The following LAMA1 variants were observed in gnomAD, a reference collection of about 807,000 sequenced individuals.
The protein encoded by LAMA1 is laminin subunit alpha-1.
A neutral mutation model predicts 348.7 loss-of-function variants in LAMA1; 219 were observed. The observed-to-expected ratio is 0.63, with a 90% CI of 0.56 to 0.70. LAMA1 has a LOEUF of 0.70. Ranked by LOEUF, LAMA1 falls within the 30% of genes least tolerant of loss-of-function variation. The pLI is 0.00. For missense variants in LAMA1, 3,744 were observed against 3,888.0 expected, an observed-to-expected ratio of 0.96 and a Z score of 0.99; for synonymous variants, 1,487 against 1,491.0, an observed-to-expected ratio of 1.00 and a Z score of 0.06.
At chr18:7,053,846 C>T (rs1212889063) in intron 3 of LAMA1, among the ~76,000 whole-genome samples, 1 of 150,212 alleles carries the variant, frequency 6.7e-6, no homozygotes, top group Non-Finnish European at 1.5e-5. Context: ...TGCAATGGCA[C>T]GATATCAGCT....
intron 1 of LAMA1, among the ~76,000 whole-genome samples, chr18:7,108,826 T>C (rs1240788672): frequency 6.6e-6 from 1 of 151,986 alleles, no homozygotes; most frequent in African/African-American, 2.4e-5. Flanking sequence ...ACTTAGTTTG[T>C]ACAAAAGCAA....
chr18:7,048,831 C>T lies in LAMA1; in HGVS notation c.768+247G>A, dbSNP rs35533694. ...TGAAGAACAAAGACCATGGCATTCA[C>T]CACATTATGGCACTATGGGGACGGG... On this transcript the variant is annotated intron_variant, in intron 5 of 62. Coordinates refer to ENST00000389658, the MANE Select transcript of LAMA1 (RefSeq NM_005559.4). 0.12 allele frequency among the ~76,000 whole-genome samples: 18,438 copies of T among 152,102 alleles called. 1,442 individuals carry two copies. The highest frequency in any genetic ancestry group is 0.17 in the Admixed American group (2,620 of 15,266).
At position 6,959,331 on chromosome 18, in the gene LAMA1, G is replaced by A. The variant is rs534459290; in HGVS notation, c.7778+10C>T. ...CCTTCATTACACACTGCCTGGCCGC[G>A]TGCAAGTACCTCCGATTCCTGACCA... is the stretch of plus-strand genomic sequence containing the variant. On this transcript the variant is annotated intron_variant, in intron 54 of 62. Coordinates refer to ENST00000389658, the MANE Select transcript of LAMA1 (RefSeq NM_005559.4). 3.3e-5 allele frequency: 54 copies of A among 1,614,014 alleles called. 1 individual carries two copies. Among genetic ancestry groups the A allele is most frequent in the Non-Finnish European group, 3.6e-5 (43 of 1,179,978 alleles).
intron 1 of LAMA1, among the ~76,000 whole-genome samples, chr18:7,096,757 C>G (rs750891426): frequency 6.6e-6 from 1 of 152,144 alleles, no homozygotes; most frequent in Non-Finnish European, 1.5e-5. Flanking sequence ...CAAATTCTCT[C>G]CCACCCAAAA....
intron 1 of LAMA1, among the ~76,000 whole-genome samples, chr18:7,116,725 C>G (rs938221384): frequency 1.3e-5 from 2 of 152,198 alleles, no homozygotes; most frequent in Non-Finnish European, 2.9e-5. Flanking sequence ...GAAGACAGCT[C>G]TAGGGGTGGC....
At chr18:7,005,204 A>C (rs982476108) in intron 29 of LAMA1, among the ~76,000 whole-genome samples, 1 of 152,208 alleles carries the variant, frequency 6.6e-6, no homozygotes, top group Non-Finnish European at 1.5e-5. Flanking sequence ...GGATTTGATC[A>C]AGTAGTTTCA....
chr18:7,117,251 G>A (rs940464104), intron 1 of LAMA1, among the ~76,000 whole-genome samples: 6 of 151,714 alleles, frequency 4.0e-5, no homozygotes, highest in East Asian at 3.9e-4. Flanking sequence ...CCCCGCGCCC[G>A]GCCAACAGCC....
rs2057607075 is a variant in LAMA1, at chr18:6,961,496, A to T, written c.7626+90T>A. The T allele has an allele frequency of 2.0e-6, 3 of 1,477,922 alleles. No individual in the cohort carries two copies. The East Asian group carries it at 7.2e-5, about 35-fold the overall frequency. 91.6% of individuals were successfully genotyped at this position (1,477,922 alleles called of 1,614,324 possible). A position where few individuals can be genotyped will look rare whatever the true frequency, so the allele number is the denominator to read the frequency against. Reference sequence around the variant, plus strand: ...CATAAACAACCAGGAACACGGTGACAATAAATGTTTATGAGTCAGTCATTT... The same window carrying T: ...CATAAACAACCAGGAACACGGTGACTATAAATGTTTATGAGTCAGTCATTT... On this transcript the variant is annotated intron_variant, in intron 53 of 62. Transcript: ENST00000389658.
intron 29 of LAMA1, among the ~76,000 whole-genome samples, chr18:7,004,368 T>C (rs1481264079): frequency 1.3e-5 from 2 of 152,188 alleles, no homozygotes; most frequent in Non-Finnish European, 2.9e-5. Flanking sequence ...ACTTTTTTTT[T>C]TGAGGTGGAG....
Position 7,050,755 on chromosome 18 carries a change from GC to G in LAMA1, c.526del (p.Ala176LeufsTer5). ...GGAGGTGCAGATCACTTCATCATCA[GC>G]CCTGTAGGTGGGTGGCCCTCGTCTT... The part of the protein sequence containing the change: ...TPRRGPPTYR[A>X]DDEVICTSYY... On this transcript the variant is annotated frameshift_variant, in exon 4 of 63. Transcript: ENST00000389658. LOFTEE classifies it high-confidence loss of function. 6.2e-7 allele frequency: 1 copy of G among 1,614,156 alleles called. No homozygotes were observed. Among genetic ancestry groups the G allele is most frequent in the Non-Finnish European group, 8.5e-7 (1 of 1,180,020 alleles).
chr18:7,040,572 G>A (rs1204485806), intron 9 of LAMA1, among the ~76,000 whole-genome samples: 1 of 152,192 alleles, frequency 6.6e-6, no homozygotes, highest in African/African-American at 2.4e-5. Flanking sequence ...TAAAATGGTA[G>A]AGTGACTTTG....
In LAMA1 at chr18:7,010,390, C is replaced by T. The variant is rs775264315; in HGVS notation, c.3688-5G>A. The T allele has an allele frequency of 6.8e-6, 11 of 1,613,526 alleles. No individual in the cohort carries two copies. Among genetic ancestry groups the T allele is most frequent in the Non-Finnish European group, 9.3e-6 (11 of 1,179,808 alleles). On this transcript the variant is annotated splice_polypyrimidine_tract_variant and splice_region_variant and intron_variant, in intron 25 of 62. Coordinates refer to ENST00000389658, the MANE Select transcript of LAMA1 (RefSeq NM_005559.4). ...TTTGCCACCATAGGCCATGAGCTATCAAATAATAAAGTGTTGTTTACTTCT... is the reference window on the plus strand; with the variant it reads ...TTTGCCACCATAGGCCATGAGCTATTAAATAATAAAGTGTTGTTTACTTCT...
intron 1 of LAMA1, among the ~76,000 whole-genome samples, chr18:7,100,239 G>T (rs1308671933): frequency 6.6e-6 from 1 of 152,086 alleles, no homozygotes; most frequent in South Asian, 2.1e-4. Flanking sequence ...ATATATGAAT[G>T]GCTAAGAAGC....
chr18:6,994,277 T>C (rs913199327), intron 34 of LAMA1, among the ~76,000 whole-genome samples: 1 of 152,140 alleles, frequency 6.6e-6, no homozygotes, highest in Non-Finnish European at 1.5e-5. Flanking sequence ...CTACGAGAAC[T>C]ACACAAGACG....
intron 1 of LAMA1, among the ~76,000 whole-genome samples, chr18:7,111,085 A>G (rs2058334198): frequency 1.3e-5 from 2 of 152,186 alleles, no homozygotes; most frequent in Admixed American, 6.5e-5. Context: ...ATTGATCTAA[A>G]TTTGACATTC....
chr18:6,978,423 A>G, intron 42 of LAMA1, 45 bp from the exon 43 acceptor site: 1 of 1,516,020 alleles, frequency 6.6e-7, no homozygotes, highest in Non-Finnish European at 9.1e-7. Context: ...GTGCTTACAC[A>G]CAGAGAAAAG....
At position 7,024,047 on chromosome 18, in the gene LAMA1, TTGGTCAGGC is replaced by T. The variant is rs531486627; in HGVS notation, c.2489+324_2489+332del. 2.6e-3 allele frequency among the ~76,000 whole-genome samples: 401 copies of T among 151,792 alleles called. 2 individuals carry two copies. The highest frequency in any genetic ancestry group is 8.6e-3 in the African/African-American group (357 of 41,378). On this transcript the variant is annotated intron_variant, in intron 18 of 62. Coordinates refer to ENST00000389658, the MANE Select transcript of LAMA1 (RefSeq NM_005559.4). Reference sequence around the variant, plus strand: ...TTTGTAGAGACAGGGTTTTACCACGTTGGTCAGGCTGGTCTCGAACTCCTAACCTCAGGT... The same window carrying T: ...TTTGTAGAGACAGGGTTTTACCACGTTGGTCTCGAACTCCTAACCTCAGGT...
intron 12 of LAMA1, 126 bp downstream of exon 12, chr18:7,037,452 C>A: frequency 9.9e-7 from 1 of 1,011,346 alleles, no homozygotes. Context: ...CAAGTACAGG[C>A]TATGAAATGC....
chr18:7,034,605 G>T lies in LAMA1; in HGVS notation c.1925C>A (p.Pro642His). The change falls in exon 14 of 63, where the codon CCT (proline) becomes CAT (histidine). Residue 642 changes from proline to histidine, a missense_variant. By Grantham distance (77) the Pro-to-His change is moderately conservative. Coordinates refer to ENST00000389658, the MANE Select transcript of LAMA1 (RefSeq NM_005559.4). ...EEYLNVVRLV[P>H]ENFQDFHSKR... ...GCTGTGAAAATCTTGGAAGTTTTCAGGCACAAGTCTAACCACGTTTAGGTA... is the reference window on the plus strand; with the variant it reads ...GCTGTGAAAATCTTGGAAGTTTTCATGCACAAGTCTAACCACGTTTAGGTA... 6.2e-7 allele frequency: 1 copy of T among 1,614,158 alleles called. No individual in the cohort carries two copies. The highest frequency in any genetic ancestry group is 1.7e-5 in the Admixed American group (1 of 60,016).
Sources: allele counts gnomAD v4.1 joint callset (sites outside exome capture counted in the v4.1 genomes callset), GRCh38; gene constraint gnomAD v4.1.1; transcripts MANE v1.5; gene names NCBI Gene and HGNC (gene_info 2026-07-23, HGNC 2026-07-21).